The following NCKAP5 variants were observed in gnomAD, a reference collection of about 807,000 sequenced individuals.
NCKAP5 encodes NCK associated protein 5, also known as nck-associated protein 5.
In NCKAP5, 92 loss-of-function variants were observed where a neutral mutation model predicts 167.0. That is an observed-to-expected ratio of 0.55 (90% CI 0.47 to 0.66). NCKAP5 has a LOEUF of 0.66. NCKAP5 is among the 30% of genes least tolerant of loss of function. The probability of loss-of-function intolerance (pLI) is 0.00; values close to 1 mark genes in which losing one functional copy is unlikely to be tolerated. For synonymous variants in NCKAP5, 891 were observed against 877.4 expected (o/e 1.02, Z -0.27); for missense variants, 2,378 against 2,315.0 (o/e 1.03, Z -0.56).
intron 11 of NCKAP5, among the ~76,000 whole-genome samples, chr2:132,849,929 G>C (rs1482376007): frequency 6.6e-6 from 1 of 152,156 alleles, no homozygotes; most frequent in Non-Finnish European, 1.5e-5. Context: ...TGGCGTAGTA[G>C]AAAGGGTACA....
chr2:133,279,992 T>A (rs1310499436), intron 4 of NCKAP5, among the ~76,000 whole-genome samples: 2 of 152,214 alleles, frequency 1.3e-5, no homozygotes, highest in Non-Finnish European at 2.9e-5. Context: ...TAATAATACA[T>A]CTTCTAGATA....
At chr2:133,450,724 C>T (rs1377817981) in intron 3 of NCKAP5, among the ~76,000 whole-genome samples, 1 of 152,128 alleles carries the variant, frequency 6.6e-6, no homozygotes, top group Non-Finnish European at 1.5e-5. Context: ...AGCTCCAAGG[C>T]CACAAAAGAG....
At chr2:132,896,050 G>A (rs974959305) in intron 8 of NCKAP5, among the ~76,000 whole-genome samples, 1 of 152,086 alleles carries the variant, frequency 6.6e-6, no homozygotes, top group Non-Finnish European at 1.5e-5. Context: ...CAGGAGTATC[G>A]CTTGAACCCA....
At chr2:132,855,046 A>T (rs1460119344) in intron 11 of NCKAP5, among the ~76,000 whole-genome samples, 3 of 152,180 alleles carry the variant, frequency 2.0e-5, no homozygotes. Flanking sequence ...ACATCTTGCC[A>T]TAACCCTGAT....
chr2:132,796,636 C>T lies in NCKAP5; in HGVS notation c.901G>A (p.Glu301Lys). 5.6e-6 allele frequency: 9 copies of T among 1,610,982 alleles called. No individual in the cohort carries two copies. The highest frequency in any genetic ancestry group is 7.6e-6 in the Non-Finnish European group (9 of 1,177,958). ...RSLTQSRTDA[E>K]VHEHQLNTKS... is the part of the protein sequence containing the mutation. ...GCAACTGGGAAACTCACGTGCACCTCAGCATCAGTTCGTGACTGTGTCAGA... is the reference window on the plus strand; with the variant it reads ...GCAACTGGGAAACTCACGTGCACCTTAGCATCAGTTCGTGACTGTGTCAGA... The change falls in exon 12 of 20, where the codon GAG (glutamate) becomes AAG (lysine). Residue 301 changes from glutamate (E) to lysine (K), a missense_variant. Glu to Lys is a moderately conservative substitution (Grantham distance 56, BLOSUM62 1). Around this residue, in one of 3 missense-constraint regions of NCKAP5, gnomAD observed 1,049 missense variants for 1,023.4 expected, o/e 1.02. Coordinates refer to ENST00000409261, the MANE Select transcript of NCKAP5 (RefSeq NM_207363.3).
At chr2:133,298,394 A>G (rs1045497251) in intron 4 of NCKAP5, among the ~76,000 whole-genome samples, 4 of 152,142 alleles carry the variant, frequency 2.6e-5, no homozygotes, top group Admixed American at 1.3e-4. Flanking sequence ...TTGCTTCCTC[A>G]GCAGTAATAA....
chr2:132,722,247 T>C (rs1239960213), intron 19 of NCKAP5, among the ~76,000 whole-genome samples: 1 of 152,172 alleles, frequency 6.6e-6, no homozygotes, highest in Non-Finnish European at 1.5e-5. Context: ...GTTTTAAATC[T>C]TGTCTCCTTT....
In NCKAP5 at chr2:132,672,881, G is replaced by T. The variant is rs1683919988; in HGVS notation, c.*408C>A. On this transcript the variant is annotated 3_prime_UTR_variant, in exon 20 of 20. Coordinates refer to ENST00000409261, the MANE Select transcript of NCKAP5 (RefSeq NM_207363.3). ...CCCTGTCAGAGAAATAAGCTCTGGT[G>T]GGTTGCCTGCTGTGAATTTGACAAG... The T allele has an allele frequency of 3.8e-6, 3 of 789,774 alleles. No homozygotes were observed. Among genetic ancestry groups the T allele is most frequent in the Non-Finnish European group, 4.6e-6 (3 of 650,116 alleles). 48.9% of individuals were successfully genotyped at this position (789,774 alleles called of 1,614,324 possible).
chr2:132,930,447 C>T (rs1299290351), intron 8 of NCKAP5: 1 of 152,182 alleles, frequency 6.6e-6, no homozygotes, highest in Non-Finnish European at 1.5e-5. Context: ...GGCATCATTC[C>T]ATCACTTGAT....
chr2:133,593,968 G>A, the NCKAP5 span, among the ~76,000 whole-genome samples: 3 of 152,216 alleles, frequency 2.0e-5, no homozygotes, highest in African/African-American at 7.2e-5. Context: ...CCAACCTGGA[G>A]ACCAGGCCCA....
chr2:133,511,722 T>C (rs1409140277), intron 3 of NCKAP5, among the ~76,000 whole-genome samples: 1 of 152,158 alleles, frequency 6.6e-6, no homozygotes, highest in Non-Finnish European at 1.5e-5. Context: ...ACAGAAATAA[T>C]AGACAAGTTA....
intron 3 of NCKAP5, among the ~76,000 whole-genome samples, chr2:133,470,579 G>C (rs1254561087): frequency 2.4e-4 from 36 of 152,368 alleles, no homozygotes; most frequent in Non-Finnish European, 3.5e-4. Context: ...CCTAATCAAG[G>C]CTGGGCAATG....
chr2:132,878,360 AT>A (rs35028550), intron 9 of NCKAP5, among the ~76,000 whole-genome samples: 8,117 of 151,496 alleles, frequency 0.054, 296 homozygotes, highest in Non-Finnish European at 0.077. Context: ...GAATCTACTG[AT>A]TTTTTTCCCT....
intron 4 of NCKAP5, among the ~76,000 whole-genome samples, chr2:133,297,806 G>A (rs1680074074): frequency 6.6e-6 from 1 of 152,130 alleles, no homozygotes; most frequent in Admixed American, 6.5e-5. Context: ...CAGTATAAAT[G>A]GAAGGCCACC....
rs1315019355 is a variant in NCKAP5, at chr2:132,914,372, T to C, written c.580-35456A>G. The stretch of plus-strand genomic sequence containing the variant: ...AAATAATTCATTGTATAGTCTTTTA[T>C]GATAAAAATTTTAGAAAAAAAATAA... On this transcript the variant is annotated intron_variant, in intron 8 of 19. Transcript: ENST00000409261. 2.6e-5 allele frequency among the ~76,000 whole-genome samples: 4 copies of C among 152,082 alleles called. 1 individual carries two copies. Among genetic ancestry groups the C allele is most frequent in the Admixed American group, 6.5e-5 (1 of 15,268 alleles).
intron 3 of NCKAP5, among the ~76,000 whole-genome samples, chr2:133,356,216 C>T (rs1246861852): frequency 1.3e-5 from 2 of 152,156 alleles, no homozygotes; most frequent in Admixed American, 6.5e-5. Context: ...CATGAGCCAC[C>T]TCGCCCAACT....
At chr2:132,975,605 G>T (rs1188582472) in intron 7 of NCKAP5, among the ~76,000 whole-genome samples, 2 of 152,166 alleles carry the variant, frequency 1.3e-5, no homozygotes, top group Non-Finnish European at 2.9e-5. Flanking sequence ...TTCATTAAAG[G>T]TATGCTCCAG....
intron 4 of NCKAP5, among the ~76,000 whole-genome samples, chr2:133,248,095 T>C (rs2088096213): frequency 6.6e-6 from 1 of 152,190 alleles, no homozygotes; most frequent in Non-Finnish European, 1.5e-5. Context: ...GGCTGCATGC[T>C]AAAAGGGAAA....
In NCKAP5 at chr2:133,464,291, G is replaced by A. The variant is rs573954477; in HGVS notation, c.69+53167C>T. Among the ~76,000 whole-genome samples, 9 of 152,280 alleles carry A rather than the reference G, an allele frequency of 5.9e-5. No homozygotes were observed. The South Asian group carries it at 1.7e-3, about 28-fold the overall frequency. ...TTTCACTTAAAGGAAGTACCTTATG[G>A]CTTCTCTTTGACATATATGAATTGC... On this transcript the variant is annotated intron_variant, in intron 3 of 19. Transcript: ENST00000409261.
Sources: gnomAD v4.1 joint callset for allele counts (sites outside exome capture counted in the v4.1 genomes callset) on GRCh38, gnomAD v4.1.1 for gene constraint, gnomAD v4.1.1 regional missense constraint, MANE v1.5 for transcripts, NCBI Gene and HGNC (gene_info 2026-07-23, HGNC 2026-07-21) for gene names.